Variants in POLR3E observed in about 807,000 individuals in gnomAD.
POLR3E encodes the protein RNA polymerase III subunit E.
POLR3E carries 41 observed loss-of-function variants against 96.6 expected under a neutral mutation model. The ratio of observed to expected loss-of-function variants is 0.42; its 90% confidence interval spans 0.33 to 0.55. The LOEUF is 0.55. Ranked by LOEUF, POLR3E falls within the 20% of genes least tolerant of loss-of-function variation. The pLI is 0.06. For synonymous variants in POLR3E, 396 were observed against 383.6 expected, an observed-to-expected ratio of 1.03 and a Z score of -0.38; for missense variants, 849 against 952.1, an observed-to-expected ratio of 0.89 and a Z score of 1.43.
chr16:22,308,790 G>A (rs531497036), intron 4 of POLR3E, 135 bp from the exon 5 acceptor site: 3 of 612,450 alleles, frequency 4.9e-6, no homozygotes, highest in South Asian at 4.0e-5. Context: ...AAGTCCAGGG[G>A]CCCTTGGGGA....
At chr16:22,312,585 G>A (rs955520429) in intron 6 of POLR3E, among the ~76,000 whole-genome samples, 3 of 152,186 alleles carry the variant, frequency 2.0e-5, no homozygotes, top group Admixed American at 1.3e-4. Context: ...TACAAGGCGC[G>A]GCCGGGCGCA....
At position 22,322,796 on chromosome 16, in the gene POLR3E, G is replaced by T; in HGVS notation, c.987-54G>T. On this transcript the variant is annotated intron_variant, in intron 13 of 20. Transcript: ENST00000299853. The surrounding 1 kb of genome is among the most constrained non-coding windows in gnomAD (Gnocchi z 5.2). ...CTGGGGCTTGGCCGGGAGGGGTAGC[G>T]GTAGAGGGGGCTCAGGGCAGGGACT... The T allele has an allele frequency of 7.9e-7, 1 of 1,273,836 alleles. No homozygotes were observed. The highest frequency in any genetic ancestry group is 2.3e-5 in the East Asian group (1 of 42,592). 78.9% of individuals were successfully genotyped at this position (1,273,836 alleles called of 1,614,324 possible). A position where few individuals can be genotyped will look rare whatever the true frequency, so the allele number is the denominator to read the frequency against.
intron 13 of POLR3E, among the ~76,000 whole-genome samples, chr16:22,320,382 C>T (rs2048445885): frequency 6.6e-6 from 1 of 152,142 alleles, no homozygotes; most frequent in Admixed American, 6.5e-5. Flanking sequence ...CTGCCTCAGC[C>T]TCCCAAGTAA....
At chr16:22,332,759 TTACTA>T (rs1395824198) in intron 20 of POLR3E, among the ~76,000 whole-genome samples, 1 of 152,046 alleles carries the variant, frequency 6.6e-6, no homozygotes, top group Non-Finnish European at 1.5e-5. Context: ...TATGATCTGT[TTACTA>T]TATGAAAGCA....
chr16:22,315,516 C>G (rs1487914467), intron 9 of POLR3E, among the ~76,000 whole-genome samples: 1 of 152,146 alleles, frequency 6.6e-6, no homozygotes, highest in Non-Finnish European at 1.5e-5. Context: ...AGCCCAGGCC[C>G]TAAACGCAGG....
In POLR3E at chr16:22,333,699, G is replaced by A. The variant is rs2048791684; in HGVS notation, c.2126G>A (p.Ter709=). 1 of 1,603,098 alleles carries A rather than the reference G, an allele frequency of 6.2e-7. No homozygotes were observed. The highest frequency in any genetic ancestry group is 8.5e-7 in the Non-Finnish European group (1 of 1,169,928). The change falls in exon 21 of 21, where the codon TGA becomes TAA. Residue 709 remains the stop codon, a stop_retained_variant. Coordinates refer to ENST00000299853, the MANE Select transcript of POLR3E (RefSeq NM_018119.4). ...MWYLKGTVQS[*] is the part of the protein sequence containing the mutation. ...TACCTTAAAGGGACAGTACAGTCTT[G>A]ACAATAGTAGCAAACTACTAACCCA...
At chr16:22,305,314 G>A (rs2048112549) in intron 3 of POLR3E, 108 bp downstream of exon 3, 1 of 817,844 alleles carries the variant, frequency 1.2e-6, no homozygotes, top group East Asian at 2.4e-5. Context: ...AGGGTTCTCG[G>A]TGTGGAGAGT....
intron 18 of POLR3E, 200 bp from the exon 19 acceptor site, chr16:22,328,310 T>G: frequency 3.5e-6 from 2 of 571,398 alleles, no homozygotes; most frequent in South Asian, 2.1e-5. Context: ...CCCTGGGGGG[T>G]GTGCTGGCCT....
chr16:22,309,570 GA>G, intron 6 of POLR3E, 60 bp downstream of exon 6: 3 of 1,169,354 alleles, frequency 2.6e-6, no homozygotes, highest in Non-Finnish European at 3.9e-6. Context: ...TGGGCAGGGA[GA>G]GTACCTCCCC....
intron 19 of POLR3E, among the ~76,000 whole-genome samples, chr16:22,330,207 G>A (rs963456934): frequency 7.2e-5 from 11 of 152,094 alleles, no homozygotes; most frequent in Non-Finnish European, 1.5e-4. Context: ...GGGATTACGG[G>A]CTTGTGCTGC....
At chr16:22,307,400 C>T (rs966824069) in intron 3 of POLR3E, among the ~76,000 whole-genome samples, 12 of 152,156 alleles carry the variant, frequency 7.9e-5, no homozygotes, top group African/African-American at 1.9e-4. Context: ...GCCTATTTTC[C>T]GCACTGCCAT....
At chr16:22,332,973 T>A (rs1258008919) in intron 20 of POLR3E, among the ~76,000 whole-genome samples, 76 of 143,244 alleles carry the variant, frequency 5.3e-4, no homozygotes, top group Non-Finnish European at 1.0e-3. Flanking sequence ...CCCCCTTTTT[T>A]TTTTTTTTTT....
chr16:22,309,533 C>T (rs371224444), intron 6 of POLR3E, 23 bp downstream of exon 6: 145 of 1,359,804 alleles, frequency 1.1e-4, no homozygotes, highest in Admixed American at 1.4e-4. Flanking sequence ...GGGTGTCCCG[C>T]GGTGGGGACA....
intron 1 of POLR3E, 45 bp from the exon 2 acceptor site, chr16:22,302,883 ATGT>A (rs2048055129): frequency 2.4e-6 from 3 of 1,268,608 alleles, no homozygotes; most frequent in South Asian, 2.4e-5. Context: ...GCACAAGGAA[ATGT>A]TGGTTGAACG....
At position 22,308,982 on chromosome 16, in the gene POLR3E, G is replaced by A. The variant is rs759806703; in HGVS notation, c.223G>A (p.Glu75Lys). Residue 75 changes from glutamate (E) to lysine (K), a missense_variant, in exon 5 of 21, where the codon GAG (glutamate) becomes AAG (lysine). Physicochemically the swap from Glu to Lys is moderately conservative, Grantham distance 56. Transcript: ENST00000299853. ...CCCCAACTATTGCCGCAGCAAAGGG[G>A]AGCAGATTGCGCTGAACGTGGACGG... ...LNPNYCRSKG[E>K]QIALNVDGAC... 3.7e-6 allele frequency: 6 copies of A among 1,614,134 alleles called. No individual in the cohort carries two copies. The highest frequency in any genetic ancestry group is 1.1e-5 in the South Asian group (1 of 91,086).
At chr16:22,321,112 C>T (rs1356299817) in intron 13 of POLR3E, among the ~76,000 whole-genome samples, 2 of 152,126 alleles carry the variant, frequency 1.3e-5, no homozygotes, top group Non-Finnish European at 2.9e-5. Flanking sequence ...TCCACGAGAC[C>T]ATCAGTTTCA....
At chr16:22,311,501 GT>G (rs145739648) in intron 6 of POLR3E, among the ~76,000 whole-genome samples, 4,522 of 144,938 alleles carry the variant, frequency 0.031, 141 homozygotes, top group African/African-American at 0.081. Context: ...TTGTTTTGGG[GT>G]TTTTTTTTTG....
chr16:22,326,383 T>A, intron 18 of POLR3E, 105 bp downstream of exon 18: 1 of 933,808 alleles, frequency 1.1e-6, no homozygotes. Flanking sequence ...GGTGAGCATC[T>A]GCTCTCACGT....
chr16:22,330,840 TCTC>T (rs955854399), intron 19 of POLR3E, among the ~76,000 whole-genome samples: 1 of 152,078 alleles, frequency 6.6e-6, no homozygotes, highest in African/African-American at 2.4e-5. Flanking sequence ...ATCAAATCCA[TCTC>T]CTCTTAATGT....
Sources: gnomAD v4.1 joint callset for allele counts (sites outside exome capture counted in the v4.1 genomes callset) on GRCh38, gnomAD v4.1.1 for gene constraint, Gnocchi (gnomAD v3.1) non-coding constraint, MANE v1.5 for transcripts, NCBI Gene and HGNC (gene_info 2026-07-23, HGNC 2026-07-21) for gene names.